The following IL17RD variants were observed in gnomAD, a reference collection of about 807,000 sequenced individuals.
The protein encoded by IL17RD is interleukin-17 receptor D.
In IL17RD, 52 loss-of-function variants were observed where a neutral mutation model predicts 80.5. The ratio of observed to expected loss-of-function variants is 0.65; its 90% CI spans 0.52 to 0.81. The LOEUF (loss-of-function observed/expected upper bound fraction) is 0.81, where lower values mean the gene tolerates loss of function less well. IL17RD is among the 40% of genes least tolerant of loss of function. IL17RD has a pLI of 0.00. For missense variants in IL17RD, 1,024 were observed against 955.1 expected (o/e 1.07, Z -0.95); for synonymous variants, 416 against 391.8 (o/e 1.06, Z -0.73).
At position 57,148,343 on chromosome 3, in the gene IL17RD, A is replaced by G. The variant is rs148251809; in HGVS notation, c.126+16818T>C. On this transcript the variant is annotated intron_variant, in intron 1 of 12. Coordinates refer to ENST00000296318, the MANE Select transcript of IL17RD (RefSeq NM_017563.5). Reference sequence around the variant, plus strand: ...CTATCTCAAAAAAAAAAAAAAAAGAAAAGAAAAAAGGAAAGAAGACCCACT... The same window carrying G: ...CTATCTCAAAAAAAAAAAAAAAAGAGAAGAAAAAAGGAAAGAAGACCCACT... Among the ~76,000 whole-genome samples, 259 of 151,884 alleles carry G rather than the reference A, an allele frequency of 1.7e-3. 1 individual carries two copies. The highest frequency in any genetic ancestry group is 5.9e-3 in the African/African-American group (245 of 41,408).
chr3:57,103,084 C>A lies in IL17RD; in HGVS notation c.868+7G>T. Reference sequence around the variant, plus strand: ...TAGAGCCAAATTTCAAACAAAAAAGCACCTACCTGGCTTTAAGGCATAATG... The same window carrying A: ...TAGAGCCAAATTTCAAACAAAAAAGAACCTACCTGGCTTTAAGGCATAATG... On this transcript the variant is annotated splice_region_variant and intron_variant, in intron 9 of 12. Transcript: ENST00000296318. The A allele has an allele frequency of 6.3e-7, 1 of 1,588,860 alleles. No individual in the cohort carries two copies.
In IL17RD at chr3:57,114,961, A is replaced by G. The variant is rs1287665672; in HGVS notation, c.185-144T>C. The G allele has an allele frequency of 1.0e-4, 62 of 599,170 alleles. No individual in the cohort carries two copies. In the South Asian group the frequency reaches 1.3e-3, roughly 13 times the overall value. 37.1% of individuals were successfully genotyped at this position (599,170 alleles called of 1,614,324 possible). On this transcript the variant is annotated intron_variant, in intron 2 of 12. Coordinates refer to ENST00000296318, the MANE Select transcript of IL17RD (RefSeq NM_017563.5). ...GTGTCCCTCAAAAGCCCAAAATAAG[A>G]CATGAGAGGTTGACTACTGCTTGGA...
chr3:57,160,153 C>T lies in IL17RD; in HGVS notation c.126+5008G>A, dbSNP rs575368655. On this transcript the variant is annotated intron_variant, in intron 1 of 12. Coordinates refer to ENST00000296318, the MANE Select transcript of IL17RD (RefSeq NM_017563.5). ...TGCCAATGCACTCCAGCCTGGGCTC[C>T]AGAGCGAAACTCCGTCTCAAAAAAA... 1.9e-4 allele frequency among the ~76,000 whole-genome samples: 29 copies of T among 152,090 alleles called. No individual in the cohort carries two copies. The South Asian group carries it at 6.0e-3, about 32-fold the overall frequency.
chr3:57,165,391 G>T, upstream of IL17RD: 2 of 987,692 alleles, frequency 2.0e-6, no homozygotes, highest in Non-Finnish European at 2.5e-6. Context: ...CAGCGAAGGG[G>T]ACCGCACTGG....
chr3:57,140,534 A>T (rs1707808968), intron 1 of IL17RD, among the ~76,000 whole-genome samples: 1 of 152,236 alleles, frequency 6.6e-6, no homozygotes, highest in African/African-American at 2.4e-5. Context: ...GATGGCACTA[A>T]TACAAGTATT....
intron 1 of IL17RD, chr3:57,134,312 C>T: frequency 1.5e-6 from 1 of 687,536 alleles, no homozygotes. Context: ...CTTTCCATTC[C>T]CGGGCTTGAT....
intron 1 of IL17RD, 47 bp downstream of exon 1, chr3:57,165,114 T>A (rs2060338305): frequency 6.8e-7 from 1 of 1,471,594 alleles, no homozygotes; most frequent in Non-Finnish European, 9.0e-7. Flanking sequence ...GCGCGCTGCG[T>A]CCCCCGCGAG....
At position 57,096,214 on chromosome 3, in the gene IL17RD, T is replaced by G; in HGVS notation, c.*179A>C. The G allele has an allele frequency of 1.7e-6, 1 of 580,634 alleles. No individual in the cohort carries two copies. Among genetic ancestry groups the G allele is most frequent in the South Asian group, 2.2e-5 (1 of 45,164 alleles). The allele number at this position is 580,634 out of a possible 1,614,324, so 36.0% of individuals were successfully genotyped here. ...CATATCATTTTAGAAAATTGGAGAG[T>G]TTGTCAAGATATCCGGTAAAGGGTT... On this transcript the variant is annotated 3_prime_UTR_variant, in exon 13 of 13. Transcript: ENST00000296318.
chr3:57,169,978 G>A (rs934743512), upstream of IL17RD, among the ~76,000 whole-genome samples: 1 of 152,200 alleles, frequency 6.6e-6, no homozygotes, highest in African/African-American at 2.4e-5. Flanking sequence ...TCACAGAGCT[G>A]GGGTTCAAAC....
Position 57,150,016 on chromosome 3 carries a change from A to T in IL17RD, c.126+15145T>A, listed in dbSNP as rs185622063. Among the ~76,000 whole-genome samples, 20 of 152,338 alleles carry T rather than the reference A, an allele frequency of 1.3e-4. No individual in the cohort carries two copies. In the East Asian group the frequency reaches 3.1e-3, roughly 24 times the overall value. Reference sequence around the variant, plus strand: ...CAGAACAGTCCCATCAACCCAAAAAATTCCCTTGTACTGCCCCTTGGTAGT... The same window carrying T: ...CAGAACAGTCCCATCAACCCAAAAATTTCCCTTGTACTGCCCCTTGGTAGT... On this transcript the variant is annotated intron_variant, in intron 1 of 12. Transcript: ENST00000296318.
rs1305497785 is a variant in IL17RD at position 57,146,507 on chromosome 3, T to C, written c.126+18654A>G. On this transcript the variant is annotated intron_variant, in intron 1 of 12. Transcript: ENST00000296318. ...GGCTCATGCCTGTAATCCCAGCACGTTGGAAGGCCAAGGTGGGCAGATCAC... is the reference window on the plus strand; with the variant it reads ...GGCTCATGCCTGTAATCCCAGCACGCTGGAAGGCCAAGGTGGGCAGATCAC... Among the ~76,000 whole-genome samples the C allele has an allele frequency of 8.6e-5, 13 of 151,968 alleles. 1 individual carries two copies. The highest frequency in any genetic ancestry group is 1.9e-4 in the Non-Finnish European group (13 of 67,984).
chr3:57,107,556 C>T (rs13327232), intron 5 of IL17RD, among the ~76,000 whole-genome samples: 4,058 of 152,198 alleles, frequency 0.027, 172 homozygotes, highest in African/African-American at 0.091. Context: ...ACAGGACTGA[C>T]CATCCAAGGC....
At chr3:57,120,117 G>T in intron 2 of IL17RD, 139 bp downstream of exon 2, 1 of 678,352 alleles carries the variant, frequency 1.5e-6, no homozygotes, top group Non-Finnish European at 2.7e-6. Context: ...AGACTGAGCT[G>T]CTTTAGCTGT....
At chr3:57,123,069 T>C (rs1707374917) in intron 1 of IL17RD, among the ~76,000 whole-genome samples, 1 of 152,186 alleles carries the variant, frequency 6.6e-6, no homozygotes, top group African/African-American at 2.4e-5. Context: ...ATGCCATGCA[T>C]TCAAGAACCT....
rs2107453854 is a variant in IL17RD, at chr3:57,092,512, C to G, written c.*3881G>C. On this transcript the variant is annotated 3_prime_UTR_variant, in exon 13 of 13. Coordinates refer to ENST00000296318, the MANE Select transcript of IL17RD (RefSeq NM_017563.5). ...GCTGAGGCAGGAGAATGGCGTGAAC[C>G]CGGGAGGTGGAGCTTGCAGTGAGCC... 6.6e-6 allele frequency: 1 copy of G among 152,170 alleles called. No individual in the cohort carries two copies. Among genetic ancestry groups the G allele is most frequent in the African/African-American group, 2.4e-5 (1 of 41,498 alleles). 9.4% of individuals were successfully genotyped at this position (152,170 alleles called of 1,614,324 possible).
chr3:57,110,961 G>A (rs192261776), intron 3 of IL17RD, among the ~76,000 whole-genome samples: 16 of 152,266 alleles, frequency 1.1e-4, no homozygotes, highest in Admixed American at 3.3e-4. Flanking sequence ...CCACAGCGCC[G>A]CTGAAAGACA....
intron 1 of IL17RD, among the ~76,000 whole-genome samples, chr3:57,161,248 C>G (rs1352343): frequency 0.081 from 12,325 of 152,186 alleles, 890 homozygotes; most frequent in African/African-American, 0.19. Context: ...CATGGCCATA[C>G]GATAGGCAGA....
chr3:57,109,445 T>G (rs1707042511), intron 5 of IL17RD, 92 bp downstream of exon 5: 12 of 1,450,930 alleles, frequency 8.3e-6, no homozygotes, highest in African/African-American at 5.7e-5. Context: ...GCGCCCGGCC[T>G]TGGCACGTTC....
At chr3:57,105,728 A>T (rs938840052) in intron 7 of IL17RD, 129 bp downstream of exon 7, 2 of 701,716 alleles carry the variant, frequency 2.9e-6, no homozygotes, top group Non-Finnish European at 4.7e-6. Flanking sequence ...CAATGATTAC[A>T]TTCTCAAGTA....
Sources: gnomAD v4.1 joint callset for allele counts (sites outside exome capture counted in the v4.1 genomes callset) on GRCh38, gnomAD v4.1.1 for gene constraint, MANE v1.5 for transcripts, NCBI Gene and HGNC (gene_info 2026-07-23, HGNC 2026-07-21) for gene names.